The following TENM2 variants were observed in gnomAD, a reference collection of about 807,000 sequenced individuals.
TENM2 encodes teneurin transmembrane protein 2.
A neutral mutation model predicts 245.2 loss-of-function variants in TENM2; 52 were observed. The ratio of observed to expected loss-of-function variants is 0.21; its 90% CI spans 0.17 to 0.27. The LOEUF (loss-of-function observed/expected upper bound fraction) is 0.27, where lower values mean the gene tolerates loss of function less well. Ranked by LOEUF, TENM2 falls within the 10% of genes least tolerant of loss-of-function variation. The pLI, the probability that TENM2 is intolerant of heterozygous loss-of-function variation, is 1.00. For missense variants in TENM2, 3,046 were observed against 3,666.8 expected (o/e 0.83, Z 4.37); for synonymous variants, 1,363 against 1,438.9 (o/e 0.95, Z 1.19).
At chr5:168,013,392 T>G (rs1785410367) in intron 5 of TENM2, among the ~76,000 whole-genome samples, 1 of 152,036 alleles carries the variant, frequency 6.6e-6, no homozygotes, top group Non-Finnish European at 1.5e-5. Flanking sequence ...TCACCTGAGG[T>G]CAGGAGTTCA....
At chr5:167,524,046 G>A (rs1770944667) in intron 2 of TENM2, among the ~76,000 whole-genome samples, 1 of 152,124 alleles carries the variant, frequency 6.6e-6, no homozygotes, top group Admixed American at 6.5e-5. Flanking sequence ...GTTAGCCTAT[G>A]ATTCTTTTAT....
chr5:167,687,432 T>C (rs1417812963), intron 2 of TENM2, among the ~76,000 whole-genome samples: 2 of 152,140 alleles, frequency 1.3e-5, no homozygotes, highest in Non-Finnish European at 2.9e-5. Context: ...AATGGAAGCA[T>C]TGGGAGAGGG....
the TENM2 span, among the ~76,000 whole-genome samples, chr5:167,209,057 T>C: frequency 0.33 from 49,634 of 152,074 alleles, 10,018 homozygotes; most frequent in Non-Finnish European, 0.47. Context: ...TACACGTATT[T>C]CTTTCTTGGT....
At chr5:168,079,104 G>A (rs1047213461) in intron 7 of TENM2, among the ~76,000 whole-genome samples, 40 of 152,048 alleles carry the variant, frequency 2.6e-4, no homozygotes, top group African/African-American at 9.2e-4. Flanking sequence ...CTTTTATTTT[G>A]TTGAGCAGTG....
At chr5:167,684,043 C>T (rs376295980) in intron 2 of TENM2, among the ~76,000 whole-genome samples, 18 of 152,256 alleles carry the variant, frequency 1.2e-4, no homozygotes, top group Admixed American at 4.6e-4. Flanking sequence ...CTGCAGCTGG[C>T]GAAAGAACCA....
At chr5:168,188,722 T>G (rs1289268877) in intron 13 of TENM2, among the ~76,000 whole-genome samples, 1 of 152,240 alleles carries the variant, frequency 6.6e-6, no homozygotes, top group East Asian at 1.9e-4. Context: ...TAAATCGTAT[T>G]GTGTGTTAGA....
rs1331888001 is a variant in TENM2, at chr5:167,387,710, G to A, written c.502+12237G>A. Among the ~76,000 whole-genome samples, 13 of 152,118 alleles carry A rather than the reference G, an allele frequency of 8.5e-5. No individual in the cohort carries two copies. The South Asian group carries it at 2.7e-3, about 32-fold the overall frequency. ...ATGTCCCTTGTATGCTGATTTTGCTGAGAGTTTTAATCATAAAGCGATGCT... is the reference window on the plus strand; with the variant it reads ...ATGTCCCTTGTATGCTGATTTTGCTAAGAGTTTTAATCATAAAGCGATGCT... On this transcript the variant is annotated intron_variant, in intron 2 of 28. Coordinates refer to ENST00000518659, the Ensembl canonical transcript of TENM2.
At chr5:168,224,080 A>C (rs4976541) in intron 23 of TENM2, among the ~76,000 whole-genome samples, 7,388 of 152,256 alleles carry the variant, frequency 0.049, 438 homozygotes, top group East Asian at 0.26. Context: ...TATTTAATGA[A>C]TCTCCCATCA....
the TENM2 span, among the ~76,000 whole-genome samples, chr5:167,209,656 A>G: frequency 6.6e-6 from 1 of 152,132 alleles, no homozygotes; most frequent in Admixed American, 6.5e-5. Flanking sequence ...CTCTTTGTAA[A>G]ATCACTTTTT....
chr5:167,103,132 A>G, the TENM2 span, among the ~76,000 whole-genome samples: 1 of 152,228 alleles, frequency 6.6e-6, no homozygotes. Flanking sequence ...GAAGTCAAAG[A>G]CCTTGTTCAA....
intron 2 of TENM2, among the ~76,000 whole-genome samples, chr5:167,859,417 C>T (rs879503312): frequency 0.015 from 1,221 of 80,014 alleles, no homozygotes; most frequent in Middle Eastern, 0.12. Context: ...CCGCCCCGTC[C>T]GGGAGGTGAG....
chr5:167,465,350 C>T (rs1190051592), intron 2 of TENM2, among the ~76,000 whole-genome samples: 1 of 152,178 alleles, frequency 6.6e-6, no homozygotes, highest in Non-Finnish European at 1.5e-5. Flanking sequence ...CACACTCTCT[C>T]GAAGTCACCT....
At chr5:167,262,813 T>C in the TENM2 span, among the ~76,000 whole-genome samples, 1 of 152,130 alleles carries the variant, frequency 6.6e-6, no homozygotes, top group Non-Finnish European at 1.5e-5. Flanking sequence ...CCTTAGCGTG[T>C]TCAGGCAGCT....
chr5:166,979,518 C>G, the TENM2 span, among the ~76,000 whole-genome samples: 1 of 152,148 alleles, frequency 6.6e-6, no homozygotes, highest in Non-Finnish European at 1.5e-5. Flanking sequence ...ACTGACCGAG[C>G]TGCTGGTAAA....
chr5:167,697,671 C>A (rs1757857007), intron 2 of TENM2, among the ~76,000 whole-genome samples: 1 of 152,100 alleles, frequency 6.6e-6, no homozygotes, highest in African/African-American at 2.4e-5. Flanking sequence ...ATTACAGGCA[C>A]CCGCCACCAT....
chr5:168,059,090 C>G (rs976915303), intron 6 of TENM2, among the ~76,000 whole-genome samples: 1 of 152,214 alleles, frequency 6.6e-6, no homozygotes, highest in Middle Eastern at 3.4e-3. Context: ...GATCTAAAAC[C>G]CTAAGGGGCA....
chr5:167,522,077 A>T (rs1562024029), intron 2 of TENM2, among the ~76,000 whole-genome samples: 1 of 152,182 alleles, frequency 6.6e-6, no homozygotes, highest in Non-Finnish European at 1.5e-5. Flanking sequence ...CCTTCTCTTT[A>T]AAAAGTGACC....
At chr5:167,529,024 G>A (rs1771309809) in intron 2 of TENM2, among the ~76,000 whole-genome samples, 1 of 152,118 alleles carries the variant, frequency 6.6e-6, no homozygotes, top group South Asian at 2.1e-4. Context: ...TTCTCTAATA[G>A]TCTGCTTTAA....
the TENM2 span, among the ~76,000 whole-genome samples, chr5:166,980,690 A>G: frequency 5.3e-5 from 8 of 152,144 alleles, no homozygotes; most frequent in Non-Finnish European, 1.0e-4. Context: ...AATTTCTGCT[A>G]AGCCATGGAA....
Sources: gnomAD v4.1 joint callset for allele counts (sites outside exome capture counted in the v4.1 genomes callset) on GRCh38, gnomAD v4.1.1 for gene constraint, MANE v1.5 for transcripts, NCBI Gene and HGNC (gene_info 2026-07-23, HGNC 2026-07-21) for gene names.